GARS1: variants seen among roughly 807,000 people sequenced by gnomAD.
GARS1 encodes the protein glycine--tRNA ligase.
Under a neutral mutation model 86.4 loss-of-function variants are expected in GARS1, and 46 were observed. The ratio of observed to expected loss-of-function variants is 0.53; its 90% confidence interval spans 0.42 to 0.68. The LOEUF is 0.68. Among genes scored for constraint, GARS1 ranks in the 30% least tolerant of loss-of-function variants. The pLI is 0.00. For synonymous variants in GARS1, 342 were observed against 329.8 expected (o/e 1.04, Z -0.40); for missense variants, 797 against 915.6 (o/e 0.87, Z 1.67).
intron 14 of GARS1, chr7:30,631,166 A>G: frequency 2.9e-6 from 1 of 345,410 alleles, no homozygotes; most frequent in Non-Finnish European, 5.6e-6. Context: ...GGGCTTGTGA[A>G]GCAAGCAGAG....
At chr7:30,631,288 T>C in intron 14 of GARS1, 160 bp from the exon 15 acceptor site, 1 of 566,634 alleles carries the variant, frequency 1.8e-6, no homozygotes, top group Non-Finnish European at 3.2e-6. Flanking sequence ...GTTCTGCTTC[T>C]CTTTTGCCAT....
Position 30,612,181 on chromosome 7 carries a change from G to A in GARS1, c.967G>A (p.Ala323Thr), listed in dbSNP as rs1168927898. ...CAACCAAGGAAAGTTGCCTTTTGCTGCTGCCCAGATTGGAAATTCTTTTAG... is the reference window on the plus strand; with the variant it reads ...CAACCAAGGAAAGTTGCCTTTTGCTACTGCCCAGATTGGAAATTCTTTTAG... ...EFNQGKLPFA[A>T]AQIGNSFRNE... Residue 323 changes from alanine (A) to threonine (T), a missense_variant, in exon 8 of 17, where the codon GCT (alanine) becomes ACT (threonine). By Grantham distance (58) the Ala-to-Thr change is moderately conservative. Transcript: ENST00000389266. 6.2e-7 allele frequency: 1 copy of A among 1,614,088 alleles called. No individual in the cohort carries two copies. Among genetic ancestry groups the A allele is most frequent in the South Asian group, 1.1e-5 (1 of 91,080 alleles).
chr7:30,600,114 A>C, intron 3 of GARS1, 65 bp downstream of exon 3: 5 of 1,164,020 alleles, frequency 4.3e-6, no homozygotes, highest in Non-Finnish European at 2.6e-6. Context: ...ACTTAAATCA[A>C]GAACATGGCT....
Position 30,594,925 on chromosome 7 carries a change from C to T in GARS1, c.4C>T (p.Pro2Ser). The change falls in exon 1 of 17, where the codon CCC becomes TCC. Residue 2 changes from proline to serine, a missense_variant. Around this residue, in one of 2 missense-constraint regions of GARS1, gnomAD observed 199 missense variants for 176.9 expected, o/e 1.12. Transcript: ENST00000389266. The stretch of plus-strand genomic sequence containing the variant: ...GACAGCCCAGGGCCGCAGGCTCATG[C>T]CCTCTCCGCGTCCAGTGCTGCTTAG... M[P>S]SPRPVLLRGA... is the part of the protein sequence containing the mutation. 1 of 1,584,664 alleles carries T rather than the reference C, an allele frequency of 6.3e-7. No homozygotes were observed. The highest frequency in any genetic ancestry group is 8.5e-7 in the Non-Finnish European group (1 of 1,172,854).
At chr7:30,596,665 T>C (rs977425690) in intron 1 of GARS1, among the ~76,000 whole-genome samples, 3 of 152,250 alleles carry the variant, frequency 2.0e-5, no homozygotes, top group Non-Finnish European at 2.9e-5. Context: ...TCTTGATTAT[T>C]GTTTTGTACT....
intron 8 of GARS1, among the ~76,000 whole-genome samples, chr7:30,614,749 G>A (rs1412304229): frequency 2.0e-5 from 3 of 151,706 alleles, no homozygotes; most frequent in Non-Finnish European, 2.9e-5. Context: ...GGTGGCGGGC[G>A]CCTGTAGTCC....
intron 7 of GARS1, among the ~76,000 whole-genome samples, chr7:30,610,741 T>C (rs1467682269): frequency 6.6e-6 from 1 of 152,214 alleles, no homozygotes; most frequent in Non-Finnish European, 1.5e-5. Context: ...AGAAGAAGTA[T>C]ATAAATTGAA....
chr7:30,598,296 C>A (rs1396167399), intron 1 of GARS1, among the ~76,000 whole-genome samples: 3 of 148,312 alleles, frequency 2.0e-5, no homozygotes, highest in Non-Finnish European at 4.4e-5. Flanking sequence ...CCCGTGTGTT[C>A]TTCTAGATTA....
rs1783173513 is a variant in GARS1, at chr7:30,628,591, T to C, written c.1731T>C (p.Pro577=). Residue 577 remains proline (P), a synonymous_variant, in exon 14 of 17, where the codon CCT becomes CCC. Transcript: ENST00000389266. ...AAGTTGTTCCGAATGTAATTGAACCTTCCTTCGGCCTGGGTAGGATCATGT... is the reference window on the plus strand; with the variant it reads ...AAGTTGTTCCGAATGTAATTGAACCCTCCTTCGGCCTGGGTAGGATCATGT... ...VEEVVPNVIE[P]SFGLGRIMYT... is the part of the protein sequence containing the mutation. The C allele has an allele frequency of 1.2e-6, 2 of 1,612,766 alleles. No homozygotes were observed. Among genetic ancestry groups the C allele is most frequent in the South Asian group, 1.1e-5 (1 of 91,080 alleles).
intron 12 of GARS1, among the ~76,000 whole-genome samples, chr7:30,623,721 A>G (rs1170258065): frequency 6.6e-6 from 1 of 152,192 alleles, no homozygotes; most frequent in Non-Finnish European, 1.5e-5. Flanking sequence ...AGATTCAAGA[A>G]GCTTAGCCCC....
intron 6 of GARS1, among the ~76,000 whole-genome samples, chr7:30,606,108 A>T (rs578072863): frequency 5.9e-5 from 9 of 152,188 alleles, no homozygotes; most frequent in African/African-American, 2.2e-4. Flanking sequence ...ACACATGTTC[A>T]TCTTTTTCTC....
chr7:30,620,691 T>C (rs1028165779), intron 10 of GARS1, among the ~76,000 whole-genome samples: 2 of 152,242 alleles, frequency 1.3e-5, no homozygotes, highest in African/African-American at 2.4e-5. Context: ...TATAATTTTA[T>C]TGTGTGACCT....
intron 1 of GARS1, 82 bp from the exon 2 acceptor site, chr7:30,598,714 A>T: frequency 8.3e-7 from 1 of 1,198,454 alleles, no homozygotes; most frequent in Non-Finnish European, 1.2e-6. Context: ...TAGACTTTTT[A>T]AAAGGCACGC....
Position 30,628,186 on chromosome 7 carries a change from T to C in GARS1, c.1700-374T>C, listed in dbSNP as rs192558312. ...GTGCTAAGAATTTTTTTCTTTTCTT[T>C]TCTTTTTTTTTTTTTGAGATGAAGT... On this transcript the variant is annotated intron_variant, in intron 13 of 16. Coordinates refer to ENST00000389266, the MANE Select transcript of GARS1 (RefSeq NM_002047.4). Among the ~76,000 whole-genome samples the C allele has an allele frequency of 4.6e-3, 701 of 151,528 alleles. 5 individuals carry two copies. The highest frequency in any genetic ancestry group is 0.016 in the African/African-American group (657 of 41,506).
In GARS1 at chr7:30,613,174, G is replaced by C. The variant is rs1584035488; in HGVS notation, c.1031+929G>C. 2.0e-5 allele frequency among the ~76,000 whole-genome samples: 3 copies of C among 152,252 alleles called. No homozygotes were observed. The East Asian group carries it at 5.8e-4, about 29-fold the overall frequency. ...CTTGTTAGTTCCCATGATGCCATCT[G>C]GGAGAAGATGCCTATGTTCTGCGCA... On this transcript the variant is annotated intron_variant, in intron 8 of 16. Transcript: ENST00000389266.
At chr7:30,624,322 A>G (rs924299334) in intron 12 of GARS1, among the ~76,000 whole-genome samples, 2 of 152,172 alleles carry the variant, frequency 1.3e-5, no homozygotes, top group Non-Finnish European at 2.9e-5. Flanking sequence ...GTTTAGATGT[A>G]CCCAGAGGAC....
chr7:30,629,643 C>T (rs1783198111), intron 14 of GARS1, among the ~76,000 whole-genome samples: 1 of 152,168 alleles, frequency 6.6e-6, no homozygotes, highest in African/African-American at 2.4e-5. Flanking sequence ...GTTCTCGGCA[C>T]CAGTACTTTA....
At chr7:30,607,307 T>C (rs893199627) in intron 6 of GARS1, among the ~76,000 whole-genome samples, 11 of 152,138 alleles carry the variant, frequency 7.2e-5, no homozygotes, top group African/African-American at 2.2e-4. Context: ...CAAATGTCCA[T>C]CAATGATAGA....
At chr7:30,616,969 G>A (rs773620403) in intron 9 of GARS1, 145 bp from the exon 10 acceptor site, 1 of 779,910 alleles carries the variant, frequency 1.3e-6, no homozygotes, top group Non-Finnish European at 2.2e-6. Context: ...ATTTGAAATT[G>A]TTTTGAAAGC....
Sources: allele counts gnomAD v4.1 joint callset (sites outside exome capture counted in the v4.1 genomes callset), GRCh38; gene constraint gnomAD v4.1.1; regional missense constraint gnomAD v4.1.1; transcripts MANE v1.5; gene names NCBI Gene and HGNC (gene_info 2026-07-23, HGNC 2026-07-21).